CMTM3: variants seen among roughly 807,000 people sequenced by gnomAD.
The protein encoded by CMTM3 is CKLF-like MARVEL transmembrane domain-containing protein 3.
CMTM3 carries 7 observed loss-of-function variants against 18.2 expected under a neutral mutation model. That is an observed-to-expected ratio of 0.38 (90% CI 0.22 to 0.72). The LOEUF is 0.72. CMTM3 is among the 30% of genes least tolerant of loss of function. The pLI is 0.46. For missense variants in CMTM3, 227 were observed against 249.2 expected (o/e 0.91, Z 0.60); for synonymous variants, 109 against 111.2 (o/e 0.98, Z 0.12).
chr16:66,611,682 G>T (rs1005192961), intron 4 of CMTM3, among the ~76,000 whole-genome samples: 1 of 152,036 alleles, frequency 6.6e-6, no homozygotes, highest in Non-Finnish European at 1.5e-5. Context: ...TGGGGTTGGG[G>T]GTTAGTGACT....
Position 66,609,022 on chromosome 16 carries a change from C to T in CMTM3, c.304-413C>T, listed in dbSNP as rs545751801. On this transcript the variant is annotated intron_variant, in intron 2 of 4. Transcript: ENST00000567572. This position sits in a 1 kb window ranked among gnomAD's most constrained non-coding sequence, Gnocchi z 4.4. The stretch of plus-strand genomic sequence containing the variant: ...ACCCTCTGTGTCCCCATCTTAGGGA[C>T]GGATAAGCAGAAACTGTGGTCCATG... 3.3e-5 allele frequency among the ~76,000 whole-genome samples: 5 copies of T among 152,320 alleles called. No individual in the cohort carries two copies. The highest frequency in any genetic ancestry group is 9.6e-5 in the African/African-American group (4 of 41,562).
chr16:66,604,895 G>A lies in CMTM3; in HGVS notation c.90G>A (p.Leu30=), dbSNP rs1307507934. 6.2e-6 allele frequency: 9 copies of A among 1,447,012 alleles called. No homozygotes were observed. The highest frequency in any genetic ancestry group is 8.1e-6 in the Non-Finnish European group (9 of 1,105,126). 89.6% of individuals were successfully genotyped at this position (1,447,012 alleles called of 1,614,324 possible). Residue 30 remains leucine (L), a synonymous_variant, in exon 1 of 5, where the codon CTG becomes CTA. Coordinates refer to ENST00000567572, the MANE Select transcript of CMTM3 (RefSeq NM_181553.4). Reference sequence around the variant, plus strand: ...CCGCGGTCCCCGGGCTCCGCGCCCTGCTGCCGGCGCGGGCTTTCCTCTGCT... The same window carrying A: ...CCGCGGTCCCCGGGCTCCGCGCCCTACTGCCGGCGCGGGCTTTCCTCTGCT... The part of the protein sequence containing the change: ...PGPAVPGLRA[L]LPARAFLCSL...
rs147051106 is a variant in CMTM3, at chr16:66,612,392, C to CA, written c.521-207dup. Among the ~76,000 whole-genome samples, 51 of 147,906 alleles carry CA rather than the reference C, an allele frequency of 3.4e-4. No individual in the cohort carries two copies. The highest frequency in any genetic ancestry group is 4.7e-4 in the Non-Finnish European group (31 of 66,534). Reference sequence around the variant, plus strand: ...CTGTCTCAAAGACAAAAAACAACAACAAAAAAAAAAGAGAGAGAGAAAGTG... The same window carrying CA: ...CTGTCTCAAAGACAAAAAACAACAACAAAAAAAAAAAGAGAGAGAGAAAGTG... On this transcript the variant is annotated intron_variant, in intron 4 of 4. Transcript: ENST00000567572. This position sits in a 1 kb window ranked among gnomAD's most constrained non-coding sequence, Gnocchi z 6.0.
upstream of CMTM3, chr16:66,604,656 G>T: frequency 1.8e-6 from 1 of 552,548 alleles, no homozygotes; most frequent in Non-Finnish European, 2.6e-6. Flanking sequence ...AGGAGCGGGT[G>T]GGGGCGGGGC....
rs1393343254 is a variant in CMTM3 at position 66,613,297 on chromosome 16, A to T, written c.*660A>T. 6 of 605,606 alleles carry T rather than the reference A, an allele frequency of 9.9e-6. No homozygotes were observed. Among genetic ancestry groups the T allele is most frequent in the Admixed American group, 2.8e-5 (1 of 35,812 alleles). The allele number at this position is 605,606 out of a possible 1,614,324, so 37.5% of individuals were successfully genotyped here. A position where few individuals can be genotyped will look rare whatever the true frequency, so the allele number is the denominator to read the frequency against. On this transcript the variant is annotated 3_prime_UTR_variant, in exon 5 of 5. Coordinates refer to ENST00000567572, the MANE Select transcript of CMTM3 (RefSeq NM_181553.4). ...GTGAGATGACCATTCTGGGTCTAAG[A>T]CTGTTTCAAAGAAGAGCTCATAGAC...
In CMTM3 at chr16:66,609,488, G is replaced by T. The variant is rs766268585; in HGVS notation, c.357G>T (p.Thr119=). The T allele has an allele frequency of 1.2e-6, 2 of 1,611,316 alleles. No homozygotes were observed. Among genetic ancestry groups the T allele is most frequent in the East Asian group, 4.5e-5 (2 of 44,856 alleles). ...AALIYFAISI[T]AIAKYSDGAS... The stretch of plus-strand genomic sequence containing the variant: ...TCATCTACTTTGCTATCTCCATCAC[G>T]GCCATCGCCAAGTACTCGGATGGGG... Residue 119 remains threonine, a synonymous_variant, in exon 3 of 5, where the codon ACG becomes ACT. Coordinates refer to ENST00000567572, the MANE Select transcript of CMTM3 (RefSeq NM_181553.4). The surrounding 1 kb of genome is among the most constrained non-coding windows in gnomAD (Gnocchi z 4.4).
rs1472403325 is a variant in CMTM3 at position 66,610,046 on chromosome 16, G to A, written c.520+43G>A. The A allele has an allele frequency of 1.2e-6, 2 of 1,605,980 alleles. No individual in the cohort carries two copies. The highest frequency in any genetic ancestry group is 1.7e-6 in the Non-Finnish European group (2 of 1,175,202). ...TCACCCCAGCAGTGCTGCAACAGGG[G>A]CCTGCCCTCCCTCGGGGATGCCAGC... is the stretch of plus-strand genomic sequence containing the variant. On this transcript the variant is annotated intron_variant, in intron 4 of 4. Coordinates refer to ENST00000567572, the MANE Select transcript of CMTM3 (RefSeq NM_181553.4). The surrounding 1 kb of genome is among the most constrained non-coding windows in gnomAD (Gnocchi z 4.6).
intron 1 of CMTM3, among the ~76,000 whole-genome samples, chr16:66,606,171 A>C (rs1483959350): frequency 6.6e-6 from 1 of 152,020 alleles, no homozygotes; most frequent in African/African-American, 2.4e-5. Flanking sequence ...GGTTCACAGG[A>C]GCCGCTGAGG....
At chr16:66,607,125 G>A (rs1457432428) in intron 1 of CMTM3, among the ~76,000 whole-genome samples, 1 of 152,242 alleles carries the variant, frequency 6.6e-6, no homozygotes, top group South Asian at 2.1e-4. Context: ...GTGGATGTGA[G>A]GGTCAGAGGA....
Position 66,609,464 on chromosome 16 carries a change from CATCTACTTTGCT to C in CMTM3, c.338_349del (p.Tyr113_Ile116del), listed in dbSNP as rs2015288367. 6.2e-7 allele frequency: 1 copy of C among 1,613,046 alleles called. No homozygotes were observed. The highest frequency in any genetic ancestry group is 1.3e-5 in the African/African-American group (1 of 75,044). On this transcript the variant is annotated inframe_deletion, in exon 3 of 5. Transcript: ENST00000567572. This position sits in a 1 kb window ranked among gnomAD's most constrained non-coding sequence, Gnocchi z 4.4. ...TCCTGCGCTGTGTCACCGCGGCCCTCATCTACTTTGCTATCTCCATCACGGCCATCGCCAAGT... is the reference window on the plus strand; with the variant it reads ...TCCTGCGCTGTGTCACCGCGGCCCTCATCTCCATCACGGCCATCGCCAAGT...
Position 66,613,369 on chromosome 16 carries a change from A to C in CMTM3, c.*732A>C, listed in dbSNP as rs1037120655. 1 of 492,982 alleles carries C rather than the reference A, an allele frequency of 2.0e-6. No individual in the cohort carries two copies. The highest frequency in any genetic ancestry group is 1.9e-5 in the African/African-American group (1 of 52,152). 30.5% of individuals were successfully genotyped at this position (492,982 alleles called of 1,614,324 possible). On this transcript the variant is annotated 3_prime_UTR_variant, in exon 5 of 5. Coordinates refer to ENST00000567572, the MANE Select transcript of CMTM3 (RefSeq NM_181553.4). ...GGTACAACAGTGGCATCACAGTGACAGTGTCATGGGGAGCTGGGCGGGCCC... is the reference window on the plus strand; with the variant it reads ...GGTACAACAGTGGCATCACAGTGACCGTGTCATGGGGAGCTGGGCGGGCCC...
In CMTM3 at chr16:66,612,538, TC is replaced by T; in HGVS notation, c.521-67del. 6.5e-7 allele frequency: 1 copy of T among 1,531,494 alleles called. No individual in the cohort carries two copies. Among genetic ancestry groups the T allele is most frequent in the Non-Finnish European group, 9.0e-7 (1 of 1,112,426 alleles). 94.9% of individuals were successfully genotyped at this position (1,531,494 alleles called of 1,614,324 possible). A position where few individuals can be genotyped will look rare whatever the true frequency, so the allele number is the denominator to read the frequency against. On this transcript the variant is annotated intron_variant, in intron 4 of 4. Transcript: ENST00000567572. The surrounding 1 kb of genome is among the most constrained non-coding windows in gnomAD (Gnocchi z 6.0). ...CTCCTGCCAGCAACCCAGCTGTGCT[TC>T]CCCAGAGACCGTTCCCAGGCACCGC...
Position 66,604,970 on chromosome 16 carries a change from CT to C in CMTM3, c.147+19del. The C allele has an allele frequency of 6.7e-7, 1 of 1,482,194 alleles. No individual in the cohort carries two copies. 91.8% of individuals were successfully genotyped at this position (1,482,194 alleles called of 1,614,324 possible). Reference sequence around the variant, plus strand: ...CCGAGTCGGTGAGTGCGGCGGGACCCTCGGCCGCCCCGCTAGGACTGCGCGG... The same window carrying C: ...CCGAGTCGGTGAGTGCGGCGGGACCCCGGCCGCCCCGCTAGGACTGCGCGG... On this transcript the variant is annotated intron_variant, in intron 1 of 4. Transcript: ENST00000567572.
chr16:66,610,210 T>C lies in CMTM3; in HGVS notation c.520+207T>C. The C allele has an allele frequency of 1.5e-6, 1 of 660,692 alleles. No individual in the cohort carries two copies. The highest frequency in any genetic ancestry group is 2.5e-6 in the Non-Finnish European group (1 of 395,230). 40.9% of individuals were successfully genotyped at this position (660,692 alleles called of 1,614,324 possible). ...TCGTGCACCCTCACCCCAGCCTTTC[T>C]AGGAGGGGCAAGCAGTGGGCATGGC... On this transcript the variant is annotated intron_variant, in intron 4 of 4. Coordinates refer to ENST00000567572, the MANE Select transcript of CMTM3 (RefSeq NM_181553.4). The surrounding 1 kb of genome is among the most constrained non-coding windows in gnomAD (Gnocchi z 4.6).
Position 66,604,792 on chromosome 16 carries a change from C to A in CMTM3, c.-14C>A. The A allele has an allele frequency of 8.1e-7, 1 of 1,233,014 alleles. No homozygotes were observed. The highest frequency in any genetic ancestry group is 1.0e-6 in the Non-Finnish European group (1 of 988,696). 76.4% of individuals were successfully genotyped at this position (1,233,014 alleles called of 1,614,324 possible). On this transcript the variant is annotated 5_prime_UTR_variant, in exon 1 of 5. Coordinates refer to ENST00000567572, the MANE Select transcript of CMTM3 (RefSeq NM_181553.4). Reference sequence around the variant, plus strand: ...GGAGCCAGGCCGAGCCCCGGCCCTACCGCCGCCGCCGCCATGTGGCCCCCA... The same window carrying A: ...GGAGCCAGGCCGAGCCCCGGCCCTAACGCCGCCGCCGCCATGTGGCCCCCA...
In CMTM3 at chr16:66,605,049, G is replaced by A. The variant is rs569455376; in HGVS notation, c.147+97G>A. ...CGGGTGGGGTCCGGGGGCGGCCGCC[G>A]TGCTCCGATACCCCCTCTCCGCGCC... On this transcript the variant is annotated intron_variant, in intron 1 of 4. Coordinates refer to ENST00000567572, the MANE Select transcript of CMTM3 (RefSeq NM_181553.4). This position sits in a 1 kb window ranked among gnomAD's most constrained non-coding sequence, Gnocchi z 4.6. 2.5e-5 allele frequency: 28 copies of A among 1,126,574 alleles called. No homozygotes were observed. The highest frequency in any genetic ancestry group is 8.3e-5 in the African/African-American group (5 of 60,506). The allele number at this position is 1,126,574 out of a possible 1,614,324, so 69.8% of individuals were successfully genotyped here.
chr16:66,609,321 T>A lies in CMTM3; in HGVS notation c.304-114T>A. The A allele has an allele frequency of 2.3e-6, 2 of 863,296 alleles. No individual in the cohort carries two copies. The highest frequency in any genetic ancestry group is 2.2e-5 in the Admixed American group (1 of 45,492). 53.5% of individuals were successfully genotyped at this position (863,296 alleles called of 1,614,324 possible). On this transcript the variant is annotated intron_variant, in intron 2 of 4. Transcript: ENST00000567572. The surrounding 1 kb of genome is among the most constrained non-coding windows in gnomAD (Gnocchi z 4.4). ...GCATGTGGGTGGGGCCAGGATGGGA[T>A]AGGAGCCCTCAGGTGCTAGGCCTGG...
chr16:66,607,999 C>A (rs759530653), intron 1 of CMTM3, among the ~76,000 whole-genome samples: 1 of 152,142 alleles, frequency 6.6e-6, no homozygotes, highest in Non-Finnish European at 1.5e-5. Flanking sequence ...GCACACACCA[C>A]CATGCCCGGC....
At position 66,609,104 on chromosome 16, in the gene CMTM3, T is replaced by C. The variant is rs2015270394; in HGVS notation, c.304-331T>C. Among the ~76,000 whole-genome samples the C allele has an allele frequency of 6.6e-6, 1 of 152,116 alleles. No homozygotes were observed. Among genetic ancestry groups the C allele is most frequent in the African/African-American group, 2.4e-5 (1 of 41,440 alleles). On this transcript the variant is annotated intron_variant, in intron 2 of 4. Transcript: ENST00000567572. The surrounding 1 kb of genome is among the most constrained non-coding windows in gnomAD (Gnocchi z 4.4). ...GAGGCCCAGAGCCAGATCTCCCCAA[T>C]GGAGAGCGGGAAGGGAGCAGGTGGG... is the stretch of plus-strand genomic sequence containing the variant.
Sources: gnomAD v4.1 joint callset for allele counts (sites outside exome capture counted in the v4.1 genomes callset) on GRCh38, gnomAD v4.1.1 for gene constraint, Gnocchi (gnomAD v3.1) non-coding constraint, MANE v1.5 for transcripts, NCBI Gene and HGNC (gene_info 2026-07-23, HGNC 2026-07-21) for gene names.